Variants in ARHGAP31 observed in about 807,000 individuals in gnomAD.
The protein encoded by ARHGAP31 is rho GTPase-activating protein 31.
ARHGAP31 carries 34 observed loss-of-function variants against 113.9 expected under a neutral mutation model. The ratio of observed to expected loss-of-function variants is 0.30; its 90% CI spans 0.23 to 0.40. The LOEUF is 0.40. Ranked by LOEUF, ARHGAP31 falls within the 10% of genes least tolerant of loss-of-function variation. ARHGAP31 has a pLI of 1.00. For missense variants in ARHGAP31, 1,548 were observed against 1,767.1 expected, an observed-to-expected ratio of 0.88 and a Z score of 2.22; for synonymous variants, 650 against 684.8, an observed-to-expected ratio of 0.95 and a Z score of 0.79.
At chr3:119,380,038 G>A (rs2080381996) in intron 3 of ARHGAP31, among the ~76,000 whole-genome samples, 1 of 152,206 alleles carries the variant, frequency 6.6e-6, no homozygotes, top group Non-Finnish European at 1.5e-5. Context: ...AGAGATGGAC[G>A]TGGACCAGCC....
At chr3:119,413,799 G>C in intron 11 of ARHGAP31, 57 bp from the exon 12 acceptor site, 2 of 1,613,406 alleles carry the variant, frequency 1.2e-6, no homozygotes, top group Non-Finnish European at 1.7e-6. Flanking sequence ...TGGAAACGCT[G>C]ATGTCAGCAC....
intron 1 of ARHGAP31, among the ~76,000 whole-genome samples, chr3:119,302,895 A>C (rs962654078): frequency 6.6e-6 from 1 of 152,218 alleles, no homozygotes; most frequent in Non-Finnish European, 1.5e-5. Flanking sequence ...GGACATTTGC[A>C]TAGCACTTTA....
At chr3:119,396,781 T>G (rs2080554355) in intron 8 of ARHGAP31, among the ~76,000 whole-genome samples, 1 of 152,126 alleles carries the variant, frequency 6.6e-6, no homozygotes, top group Non-Finnish European at 1.5e-5. Context: ...GGGGAGGAGT[T>G]GGTGAGGGGG....
chr3:119,419,617 T>C lies in ARHGAP31; in HGVS notation c.*3353T>C, dbSNP rs147171598. ...CCCCCATAAACAACCAGGAGCAAGG[T>C]TGAGAACCATTAAGTTGCCAAACAA... On this transcript the variant is annotated 3_prime_UTR_variant, in exon 12 of 12. Coordinates refer to ENST00000264245, the MANE Select transcript of ARHGAP31 (RefSeq NM_020754.4). 516 of 152,146 alleles carry C rather than the reference T, an allele frequency of 3.4e-3. 1 individual carries two copies. Among genetic ancestry groups the C allele is most frequent in the African/African-American group, 0.012 (494 of 41,504 alleles). 9.4% of individuals were successfully genotyped at this position (152,146 alleles called of 1,614,324 possible). A position where few individuals can be genotyped will look rare whatever the true frequency, so the allele number is the denominator to read the frequency against.
Position 119,294,488 on chromosome 3 carries a change from CCTGG to C in ARHGAP31, c.-416_-413del. 1 of 453,568 alleles carries C rather than the reference CCTGG, an allele frequency of 2.2e-6. No individual in the cohort carries two copies. The allele number at this position is 453,568 out of a possible 1,614,324, so 28.1% of individuals were successfully genotyped here. A position where few individuals can be genotyped will look rare whatever the true frequency, so the allele number is the denominator to read the frequency against. On this transcript the variant is annotated 5_prime_UTR_variant, in exon 1 of 12. Transcript: ENST00000264245. The stretch of plus-strand genomic sequence containing the variant: ...CAGGGCGCAGGACCCACCGCAGCCC[CCTGG>C]GCAGTCTCCTCGCCCCGCGTCCGCG...
At chr3:119,372,243 A>C (rs2080304217) in intron 3 of ARHGAP31, among the ~76,000 whole-genome samples, 1 of 145,334 alleles carries the variant, frequency 6.9e-6, no homozygotes, top group African/African-American at 2.6e-5. Flanking sequence ...ATAAGTGTTC[A>C]TTTCTCCCCA....
chr3:119,300,702 C>G lies in ARHGAP31; in HGVS notation c.100+5698C>G, dbSNP rs373578236. Among the ~76,000 whole-genome samples, 303 of 151,904 alleles carry G rather than the reference C, an allele frequency of 2.0e-3. 10 individuals carry two copies. In the South Asian group the frequency reaches 0.03, roughly 15 times the overall value. On this transcript the variant is annotated intron_variant, in intron 1 of 11. Transcript: ENST00000264245. ...AAAAAAATTAGCTGAGTGGCGGGGTCTGTTATCCCAGCTACTTGGGAGGCT... is the reference window on the plus strand; with the variant it reads ...AAAAAAATTAGCTGAGTGGCGGGGTGTGTTATCCCAGCTACTTGGGAGGCT...
chr3:119,320,753 T>G (rs139941513), intron 1 of ARHGAP31, among the ~76,000 whole-genome samples: 248 of 152,344 alleles, frequency 1.6e-3, no homozygotes, highest in African/African-American at 5.8e-3. Context: ...TGGCCTACTG[T>G]GGCATGCCCT....
chr3:119,327,460 G>T (rs1176816432), intron 1 of ARHGAP31, among the ~76,000 whole-genome samples: 1 of 151,952 alleles, frequency 6.6e-6, no homozygotes, highest in Non-Finnish European at 1.5e-5. Flanking sequence ...CTGGAGAATC[G>T]CTTGAACCCA....
intron 11 of ARHGAP31, 53 bp from the exon 12 acceptor site, chr3:119,413,803 T>A: frequency 6.2e-7 from 1 of 1,613,798 alleles, no homozygotes; most frequent in Non-Finnish European, 8.5e-7. Context: ...AACGCTGATG[T>A]CAGCACCCAG....
rs1577010853 is a variant in ARHGAP31 at position 119,358,242 on chromosome 3, G to A, written c.101-7074G>A. ...TTCAAAAGAGATATACAAACGGCCA[G>A]TAAGCACAAGAAAAGATGTTCTACA... On this transcript the variant is annotated intron_variant, in intron 1 of 11. Transcript: ENST00000264245. Among the ~76,000 whole-genome samples the A allele has an allele frequency of 2.6e-5, 4 of 152,258 alleles. No individual in the cohort carries two copies. In the South Asian group the frequency reaches 8.3e-4, roughly 32 times the overall value.
chr3:119,381,802 C>T (rs74691313), intron 4 of ARHGAP31, among the ~76,000 whole-genome samples: 3 of 152,002 alleles, frequency 2.0e-5, no homozygotes, highest in East Asian at 1.9e-4. Context: ...ATGGCTAACA[C>T]GGTGAAACCC....
intron 4 of ARHGAP31, among the ~76,000 whole-genome samples, chr3:119,381,364 C>T (rs1170127304): frequency 6.6e-6 from 1 of 152,152 alleles, no homozygotes; most frequent in Non-Finnish European, 1.5e-5. Flanking sequence ...TGAGCATTGG[C>T]TGATTGTTCT....
rs758089081 is a variant in ARHGAP31 at position 119,365,330 on chromosome 3, A to C, written c.115A>C (p.Lys39Gln). ...SSGQDVPYVLKSCAEFIETHG... is the reference protein window; with the variant it reads ...SSGQDVPYVLQSCAEFIETHG... ...CTTTTACATAGTTCCATACGTTTTG[A>C]AGAGCTGTGCAGAATTTATAGAGAC... Residue 39 changes from lysine (K) to glutamine (Q), a missense_variant, in exon 2 of 12, where the codon AAG (lysine) becomes CAG (glutamine). Coordinates refer to ENST00000264245, the MANE Select transcript of ARHGAP31 (RefSeq NM_020754.4). 1.9e-6 allele frequency: 3 copies of C among 1,613,968 alleles called. No individual in the cohort carries two copies. The highest frequency in any genetic ancestry group is 1.7e-6 in the Non-Finnish European group (2 of 1,179,962).
chr3:119,346,011 C>T (rs567664671), intron 1 of ARHGAP31, among the ~76,000 whole-genome samples: 3 of 152,328 alleles, frequency 2.0e-5, no homozygotes, highest in African/African-American at 7.2e-5. Context: ...GCATCCTGAC[C>T]AGTTGACTGC....
intron 1 of ARHGAP31, among the ~76,000 whole-genome samples, chr3:119,352,524 G>A (rs1420127413): frequency 6.6e-6 from 1 of 152,118 alleles, no homozygotes; most frequent in Non-Finnish European, 1.5e-5. Flanking sequence ...ACCACGAGAG[G>A]TTGTCCCTTC....
At chr3:119,330,078 T>G in intron 1 of ARHGAP31, 2 of 903,268 alleles carry the variant, frequency 2.2e-6, no homozygotes, top group Non-Finnish European at 2.6e-6. Context: ...CGTCTGATTG[T>G]TTGAACTGAT....
At chr3:119,350,146 A>G (rs78734852) in intron 1 of ARHGAP31, among the ~76,000 whole-genome samples, 2,783 of 152,312 alleles carry the variant, frequency 0.018, 50 homozygotes, top group East Asian at 0.06. Context: ...CTCATGGAAG[A>G]AATGAATTGC....
At chr3:119,334,761 C>T (rs1377118190) in intron 1 of ARHGAP31, among the ~76,000 whole-genome samples, 2 of 152,198 alleles carry the variant, frequency 1.3e-5, no homozygotes, top group Non-Finnish European at 2.9e-5. Context: ...ACTTTACAAG[C>T]GTGCATTATT....
Sources: gnomAD v4.1 joint callset for allele counts (sites outside exome capture counted in the v4.1 genomes callset) on GRCh38, gnomAD v4.1.1 for gene constraint, MANE v1.5 for transcripts, NCBI Gene and HGNC (gene_info 2026-07-23, HGNC 2026-07-21) for gene names.